NFIL3: variants seen among roughly 807,000 people sequenced by gnomAD.
The protein encoded by NFIL3 is nuclear factor, interleukin 3 regulated, also known as nuclear factor interleukin-3-regulated protein.
In NFIL3, 5 loss-of-function variants were observed where a neutral mutation model predicts 10.0. The observed-to-expected ratio is 0.50, with a 90% CI of 0.26 to 1.06. The LOEUF is 1.06. Among genes scored for constraint, NFIL3 ranks in the 50% least tolerant of loss-of-function variants. The probability of loss-of-function intolerance (pLI) is 0.13; values close to 1 mark genes in which losing one functional copy is unlikely to be tolerated. For missense variants in NFIL3, 436 were observed against 547.6 expected (o/e 0.80, Z 2.03); for synonymous variants, 202 against 206.5 (o/e 0.98, Z 0.19).
the NFIL3 span, among the ~76,000 whole-genome samples, chr9:91,479,692 A>G: frequency 2.0e-5 from 3 of 152,198 alleles, no homozygotes; most frequent in Admixed American, 1.3e-4. Flanking sequence ...CCACTGAGGT[A>G]TGAAAAGAAA....
the NFIL3 span, among the ~76,000 whole-genome samples, chr9:91,476,911 G>A: frequency 2.6e-5 from 4 of 152,222 alleles, no homozygotes; most frequent in Admixed American, 6.5e-5. Flanking sequence ...GGTTCTAGAC[G>A]CTAACAGAAT....
rs374502836 is a variant in NFIL3, at chr9:91,410,177, C to T, written c.558G>A (p.Ser186=). 2.0e-5 allele frequency: 32 copies of T among 1,613,994 alleles called. No individual in the cohort carries two copies. Among genetic ancestry groups the T allele is most frequent in the Non-Finnish European group, 2.5e-5 (29 of 1,180,016 alleles). The change falls in exon 2 of 2, where the codon TCG becomes TCA. Residue 186 remains serine, a synonymous_variant. Coordinates refer to ENST00000297689, the MANE Select transcript of NFIL3 (RefSeq NM_005384.3). The surrounding 1 kb of genome is among the most constrained non-coding windows in gnomAD (Gnocchi z 5.7). ...ISVIKHSPQS[S]LSDVSEVSSV... ...AGGACACTTCTGAAACATCGGACAG[C>T]GAGCTTTGTGGAGAGTGTTTAATGA...
chr9:91,430,711 T>C, the NFIL3 span, among the ~76,000 whole-genome samples: 2 of 152,232 alleles, frequency 1.3e-5, no homozygotes, highest in African/African-American at 4.8e-5. Context: ...AGTGGCATGA[T>C]CATAGCTCAC....
At chr9:91,481,955 G>C in the NFIL3 span, among the ~76,000 whole-genome samples, 3 of 152,116 alleles carry the variant, frequency 2.0e-5, no homozygotes, top group South Asian at 4.1e-4. Context: ...TTAAGAAATA[G>C]TAAGATAATT....
chr9:91,482,138 C>T, the NFIL3 span, among the ~76,000 whole-genome samples: 2 of 152,126 alleles, frequency 1.3e-5, no homozygotes, highest in Non-Finnish European at 2.9e-5. Context: ...CCCTTTGGCC[C>T]TACAATCTCA....
the NFIL3 span, among the ~76,000 whole-genome samples, chr9:91,476,316 T>TA: frequency 1.3e-5 from 2 of 152,204 alleles, no homozygotes; most frequent in African/African-American, 4.8e-5. Context: ...CTCATGCCTG[T>TA]AATCCCAGCA....
the NFIL3 span, among the ~76,000 whole-genome samples, chr9:91,458,562 A>G: frequency 6.6e-6 from 1 of 151,246 alleles, no homozygotes; most frequent in Non-Finnish European, 1.5e-5. Flanking sequence ...GAAGTTATCC[A>G]TTTTTTTTAT....
the NFIL3 span, among the ~76,000 whole-genome samples, chr9:91,471,502 T>A: frequency 7.0e-6 from 1 of 143,428 alleles, no homozygotes; most frequent in Admixed American, 6.8e-5. Flanking sequence ...TTTTTTTTTT[T>A]ACTTTTTTTA....
the NFIL3 span, among the ~76,000 whole-genome samples, chr9:91,463,219 T>C: frequency 6.6e-6 from 1 of 151,898 alleles, no homozygotes; most frequent in East Asian, 1.9e-4. Context: ...ATTTCTTTTA[T>C]TCAGTTTGCT....
Position 91,409,486 on chromosome 9 carries a change from C to A in NFIL3, c.1249G>T (p.Glu417Ter). Reference sequence around the variant, plus strand: ...ACTTTGTAGCCACTGTCTTTCATTTCAACAACTCCAGTTTTGAAACTATTC... The same window carrying A: ...ACTTTGTAGCCACTGTCTTTCATTTAAACAACTCCAGTTTTGAAACTATTC... ...TQNSFKTGVVEMKDSGYKVSD... is the reference protein window; with the variant it reads ...TQNSFKTGVV Residue 417 changes from glutamate (E) to a stop codon, truncating the protein, a stop_gained, in exon 2 of 2, where the codon GAA becomes TAA. Coordinates refer to ENST00000297689, the MANE Select transcript of NFIL3 (RefSeq NM_005384.3). LOFTEE classifies it high-confidence loss of function. 6.2e-7 allele frequency: 1 copy of A among 1,614,156 alleles called. No homozygotes were observed. The highest frequency in any genetic ancestry group is 8.5e-7 in the Non-Finnish European group (1 of 1,180,014).
chr9:91,438,708 AT>A, the NFIL3 span, among the ~76,000 whole-genome samples: 1 of 152,096 alleles, frequency 6.6e-6, no homozygotes, highest in Non-Finnish European at 1.5e-5. Context: ...TAACAGTCCA[AT>A]TTCATTCTTT....
chr9:91,460,766 T>C, the NFIL3 span, among the ~76,000 whole-genome samples: 1 of 152,166 alleles, frequency 6.6e-6, no homozygotes, highest in African/African-American at 2.4e-5. Flanking sequence ...AGTTATTAAA[T>C]AGAGAAGTCA....
At chr9:91,456,096 A>G in the NFIL3 span, among the ~76,000 whole-genome samples, 1 of 152,210 alleles carries the variant, frequency 6.6e-6, no homozygotes, top group East Asian at 1.9e-4. Context: ...ATGGTGTTGT[A>G]TATATCAATC....
chr9:91,479,852 G>C, the NFIL3 span, among the ~76,000 whole-genome samples: 1 of 152,210 alleles, frequency 6.6e-6, no homozygotes, highest in Non-Finnish European at 1.5e-5. Flanking sequence ...ATCTGGGCCA[G>C]AGTACACTGT....
the NFIL3 span, among the ~76,000 whole-genome samples, chr9:91,454,729 G>A: frequency 6.2e-4 from 95 of 152,284 alleles, no homozygotes; most frequent in African/African-American, 2.2e-3. Flanking sequence ...CTACTGGGGA[G>A]GCTGAGGTAG....
chr9:91,457,260 T>A, the NFIL3 span, among the ~76,000 whole-genome samples: 1 of 151,598 alleles, frequency 6.6e-6, no homozygotes, highest in Admixed American at 6.6e-5. Context: ...AAAAAAAAAC[T>A]TTCTGGAATT....
At chr9:91,421,577 C>A (rs979608481) in intron 1 of NFIL3, among the ~76,000 whole-genome samples, 1 of 152,178 alleles carries the variant, frequency 6.6e-6, no homozygotes, top group Admixed American at 6.5e-5. Context: ...CGGATTCTCG[C>A]AGACCCCACC....
chr9:91,410,028 C>G lies in NFIL3; in HGVS notation c.707G>C (p.Arg236Pro). ...ATAGATGGACGCTGTGTAAGAGCCT[C>G]GGTCATCTCTTGGCTCCCTTGTGTA... Reference protein sequence around the residue: ...ESYTREPRDDRGSYTASIYQN... With the variant: ...ESYTREPRDDPGSYTASIYQN... The change falls in exon 2 of 2, where the codon CGA becomes CCA. Residue 236 changes from arginine to proline, a missense_variant. Arg to Pro is a moderately radical substitution (Grantham distance 103). Coordinates refer to ENST00000297689, the MANE Select transcript of NFIL3 (RefSeq NM_005384.3). The surrounding 1 kb of genome is among the most constrained non-coding windows in gnomAD (Gnocchi z 5.7). The G allele has an allele frequency of 6.2e-7, 1 of 1,612,690 alleles. No homozygotes were observed. The highest frequency in any genetic ancestry group is 8.5e-7 in the Non-Finnish European group (1 of 1,179,946).
At chr9:91,417,998 G>T (rs1833689570) in intron 1 of NFIL3, among the ~76,000 whole-genome samples, 1 of 152,072 alleles carries the variant, frequency 6.6e-6, no homozygotes, top group South Asian at 2.1e-4. Context: ...TAAATACGAT[G>T]ACAACATTGC....
Sources: gnomAD v4.1 joint callset for allele counts (sites outside exome capture counted in the v4.1 genomes callset) on GRCh38, gnomAD v4.1.1 for gene constraint, Gnocchi (gnomAD v3.1) non-coding constraint, MANE v1.5 for transcripts, NCBI Gene and HGNC (gene_info 2026-07-23, HGNC 2026-07-21) for gene names.